Variants in TCN2 observed in about 807,000 individuals in gnomAD.
TCN2 encodes the protein transcobalamin 2.
Under a neutral mutation model 48.6 loss-of-function variants are expected in TCN2, and 34 were observed. That is an observed-to-expected ratio of 0.70 (90% CI 0.53 to 0.93). The LOEUF (loss-of-function observed/expected upper bound fraction) is 0.93. Ranked by LOEUF, TCN2 falls within the 40% of genes least tolerant of loss-of-function variation. The pLI, the probability that TCN2 is intolerant of heterozygous loss-of-function variation, is 0.00. For synonymous variants in TCN2, 283 were observed against 212.5 expected, an observed-to-expected ratio of 1.33 and a Z score of -2.89; for missense variants, 652 against 526.1, an observed-to-expected ratio of 1.24 and a Z score of -2.34.
intron 3 of TCN2, among the ~76,000 whole-genome samples, chr22:30,613,429 G>A (rs982319061): frequency 1.3e-5 from 2 of 152,096 alleles, no homozygotes; most frequent in South Asian, 2.1e-4. Context: ...ACAGGCATGC[G>A]CCACCACACC....
In TCN2 at chr22:30,614,354, G is replaced by A; in HGVS notation, c.433G>A (p.Asp145Asn). Reference protein sequence around the residue: ...LEDEKRAIGHDHKGHPHTSYY... With the variant: ...LEDEKRAIGHNHKGHPHTSYY... ...TCTGTTTTTTTCCCTCTCAGGGCAT[G>A]ATCACAAGGGCCACCCCCACACTAG... The change falls in exon 4 of 9, where the codon GAT becomes AAT. Residue 145 changes from aspartate to asparagine, a missense_variant. Asp to Asn is a conservative substitution (Grantham distance 23, BLOSUM62 1). Coordinates refer to ENST00000215838, the MANE Select transcript of TCN2 (RefSeq NM_000355.4). The A allele has an allele frequency of 6.2e-7, 1 of 1,614,160 alleles. No individual in the cohort carries two copies. The highest frequency in any genetic ancestry group is 1.3e-5 in the African/African-American group (1 of 75,058).
chr22:30,615,031 C>G (rs577752633), intron 4 of TCN2, among the ~76,000 whole-genome samples: 22 of 152,334 alleles, frequency 1.4e-4, no homozygotes, highest in Non-Finnish European at 2.2e-4. Flanking sequence ...TCTCCCTAAC[C>G]TCTAGCCCTC....
chr22:30,613,706 C>T (rs529124234), intron 3 of TCN2, among the ~76,000 whole-genome samples: 3 of 152,250 alleles, frequency 2.0e-5, no homozygotes, highest in East Asian at 3.9e-4. Flanking sequence ...CTGACTTGAC[C>T]CAGCATACAA....
chr22:30,607,464 ATGAGGGAACTTACC>A, intron 1 of TCN2, 69 bp downstream of exon 1: 1 of 1,573,952 alleles, frequency 6.4e-7, no homozygotes, highest in South Asian at 1.1e-5. Context: ...AGGGCATAGG[ATGAGGGAACTTACC>A]TGCCCTTCTA....
intron 3 of TCN2, among the ~76,000 whole-genome samples, chr22:30,613,373 G>T (rs1331260127): frequency 6.6e-6 from 1 of 152,122 alleles, no homozygotes; most frequent in Non-Finnish European, 1.5e-5. Context: ...TCTGCCTCCT[G>T]GGTTCAAGCA....
At position 30,614,396 on chromosome 22, in the gene TCN2, C is replaced by T; in HGVS notation, c.475C>T (p.Leu159=). ...HPHTSYYQYG[L]GILALCLHQK... ...CCACACTAGCTACTACCAGTATGGCCTGGGCATTCTGGCCCTGTGTCTCCA... is the reference window on the plus strand; with the variant it reads ...CCACACTAGCTACTACCAGTATGGCTTGGGCATTCTGGCCCTGTGTCTCCA... The change falls in exon 4 of 9, where the codon CTG becomes TTG. Residue 159 remains leucine (L), a synonymous_variant. Coordinates refer to ENST00000215838, the MANE Select transcript of TCN2 (RefSeq NM_000355.4). The T allele has an allele frequency of 6.2e-7, 1 of 1,614,210 alleles. No individual in the cohort carries two copies. The highest frequency in any genetic ancestry group is 2.2e-5 in the East Asian group (1 of 44,874).
intron 4 of TCN2, 56 bp from the exon 5 acceptor site, chr22:30,615,245 C>T: frequency 1.2e-6 from 2 of 1,600,152 alleles, no homozygotes; most frequent in East Asian, 2.2e-5. Flanking sequence ...AAGCCCCTGC[C>T]TGTCCTGGCC....
chr22:30,617,631 G>T, intron 7 of TCN2, 136 bp downstream of exon 7: 1 of 1,188,058 alleles, frequency 8.4e-7, no homozygotes, highest in Non-Finnish European at 1.2e-6. Context: ...TACCTGCTCA[G>T]CTCCTTTCTT....
chr22:30,617,528 C>G, intron 7 of TCN2, 33 bp downstream of exon 7: 2 of 1,613,756 alleles, frequency 1.2e-6, no homozygotes, highest in Non-Finnish European at 1.7e-6. Flanking sequence ...CTCACCCCAC[C>G]CAACCTCACA....
chr22:30,614,251 G>A, intron 3 of TCN2, 98 bp from the exon 4 acceptor site: 2 of 1,496,598 alleles, frequency 1.3e-6, no homozygotes, highest in South Asian at 2.4e-5. Flanking sequence ...TGACCCAAAA[G>A]AGCGTGTTGG....
chr22:30,622,008 A>G (rs1230655020), intron 7 of TCN2, among the ~76,000 whole-genome samples: 1 of 151,790 alleles, frequency 6.6e-6, no homozygotes, highest in Non-Finnish European at 1.5e-5. Flanking sequence ...TTGTTTTGAG[A>G]TGGAGTTTTG....
Position 30,626,871 on chromosome 22 carries a change from C to T in TCN2, c.*350C>T, listed in dbSNP as rs574027391. 9.1e-5 allele frequency: 36 copies of T among 395,744 alleles called. No individual in the cohort carries two copies. Among genetic ancestry groups the T allele is most frequent in the South Asian group, 2.6e-4 (11 of 41,874 alleles). The allele number at this position is 395,744 out of a possible 1,614,324, so 24.5% of individuals were successfully genotyped here. On this transcript the variant is annotated 3_prime_UTR_variant, in exon 9 of 9. Transcript: ENST00000215838. Reference sequence around the variant, plus strand: ...GGCCGCAGGTGTTGTGAAGACCACTCGTTCTGTGGTTGGGGTCCTGCAAGA... The same window carrying T: ...GGCCGCAGGTGTTGTGAAGACCACTTGTTCTGTGGTTGGGGTCCTGCAAGA...
intron 1 of TCN2, 126 bp from the exon 2 acceptor site, chr22:30,610,745 G>GGT (rs1379778917): frequency 1.1e-6 from 1 of 914,912 alleles, no homozygotes; most frequent in African/African-American, 1.6e-5. Flanking sequence ...CCTGCAAGTT[G>GGT]GTGTGTGCTG....
chr22:30,626,215 T>TA (rs1438464034), intron 8 of TCN2, among the ~76,000 whole-genome samples: 2 of 152,092 alleles, frequency 1.3e-5, no homozygotes, highest in Admixed American at 6.6e-5. Context: ...CCTAGGGTAT[T>TA]ACAAAGACAG....
chr22:30,615,354 A>C lies in TCN2; in HGVS notation c.634A>C (p.Asn212His), dbSNP rs745570731. The C allele has an allele frequency of 2.5e-6, 4 of 1,613,980 alleles. No homozygotes were observed. Among genetic ancestry groups the C allele is most frequent in the African/African-American group, 1.3e-5 (1 of 74,894 alleles). ...CACCTGTCTGAAGCGCTCAAACTTC[A>C]ACCCTGGTCGGAGACAACGGATCAC... is the stretch of plus-strand genomic sequence containing the variant. ...AFTCLKRSNF[N>H]PGRRQRITMA... The change falls in exon 5 of 9, where the codon AAC becomes CAC. Residue 212 changes from asparagine (N) to histidine (H), a missense_variant. Coordinates refer to ENST00000215838, the MANE Select transcript of TCN2 (RefSeq NM_000355.4).
At chr22:30,615,272 T>C (rs748094953) in intron 4 of TCN2, 29 bp from the exon 5 acceptor site, 1 of 1,613,980 alleles carries the variant, frequency 6.2e-7, no homozygotes, top group Admixed American at 1.7e-5. Flanking sequence ...GCTCTCCAGC[T>C]CATTGCATGT....
At chr22:30,618,558 G>A (rs1436541148) in intron 7 of TCN2, among the ~76,000 whole-genome samples, 2 of 152,140 alleles carry the variant, frequency 1.3e-5, no homozygotes, top group African/African-American at 2.4e-5. Flanking sequence ...TACTATGTTG[G>A]CCAGCTGGTT....
chr22:30,617,533 C>T (rs1469377619), intron 7 of TCN2, 38 bp downstream of exon 7: 5 of 1,613,530 alleles, frequency 3.1e-6, no homozygotes, highest in Middle Eastern at 1.7e-4. Context: ...CCCACCCAAC[C>T]TCACATGCCT....
At chr22:30,620,641 C>G (rs1431562335) in intron 7 of TCN2, among the ~76,000 whole-genome samples, 2 of 152,226 alleles carry the variant, frequency 1.3e-5, no homozygotes, top group Admixed American at 1.3e-4. Flanking sequence ...CCAGAACCAG[C>G]TGGTATTCAT....
Sources: allele counts gnomAD v4.1 joint callset (sites outside exome capture counted in the v4.1 genomes callset), GRCh38; gene constraint gnomAD v4.1.1; transcripts MANE v1.5; gene names NCBI Gene and HGNC (gene_info 2026-07-23, HGNC 2026-07-21).